DCDC2C: variants seen among roughly 807,000 people sequenced by gnomAD.
DCDC2C encodes the protein doublecortin domain containing 2C.
In DCDC2C, 44 loss-of-function variants were observed where a neutral mutation model predicts 45.0. The observed-to-expected ratio is 0.98, with a 90% CI of 0.77 to 1.26. The LOEUF is 1.26. Among genes scored for constraint, DCDC2C ranks in the 50% most tolerant of loss-of-function variants. DCDC2C has a pLI of 0.00. For missense variants in DCDC2C, 447 were observed against 468.9 expected (o/e 0.95, Z 0.43); for synonymous variants, 187 against 178.8 (o/e 1.05, Z -0.37).
chr2:3,769,103 C>T, intron 7 of DCDC2C: 1 of 526,282 alleles, frequency 1.9e-6, no homozygotes, highest in East Asian at 3.1e-5. Context: ...AAAATCGAGG[C>T]CACCACGCTG....
At chr2:3,708,379 C>T (rs1668122852) in intron 1 of DCDC2C, among the ~76,000 whole-genome samples, 170 bp from the exon 2 acceptor site, 1 of 152,052 alleles carries the variant, frequency 6.6e-6, no homozygotes. Flanking sequence ...AGCAGCATTG[C>T]TATTGTATTC....
intron 10 of DCDC2C, among the ~76,000 whole-genome samples, chr2:3,845,932 G>A (rs566728538): frequency 3.9e-5 from 6 of 152,280 alleles, no homozygotes; most frequent in Admixed American, 3.9e-4. Context: ...GAGAATGATA[G>A]TAGGATCATA....
At chr2:3,841,727 C>T (rs557496743) in intron 10 of DCDC2C, among the ~76,000 whole-genome samples, 8 of 151,654 alleles carry the variant, frequency 5.3e-5, no homozygotes, top group East Asian at 2.0e-4. Flanking sequence ...GCGGCGTGAG[C>T]GGCCGGGCAG....
At position 3,761,447 on chromosome 2, in the gene DCDC2C, C is replaced by T. The variant is rs567528572; in HGVS notation, c.727-6307C>T. On this transcript the variant is annotated intron_variant, in intron 6 of 10. Transcript: ENST00000399143. This position sits in a 1 kb window ranked among gnomAD's most constrained non-coding sequence, Gnocchi z 4.3. ...TGTGCATACCAGACTGAGACCCACA[C>T]TTTAATAACCTGTTCTGAACAGTAA... is the stretch of plus-strand genomic sequence containing the variant. 6.6e-6 allele frequency among the ~76,000 whole-genome samples: 1 copy of T among 152,278 alleles called. No homozygotes were observed. The highest frequency in any genetic ancestry group is 2.1e-4 in the South Asian group (1 of 4,824).
At chr2:3,706,058 CTT>C (rs1377796741) in intron 1 of DCDC2C, among the ~76,000 whole-genome samples, 1 of 152,158 alleles carries the variant, frequency 6.6e-6, no homozygotes, top group Non-Finnish European at 1.5e-5. Flanking sequence ...GGAATTCAGA[CTT>C]TGGTGAACAA....
At chr2:3,714,489 GT>G (rs34982312) in intron 2 of DCDC2C, among the ~76,000 whole-genome samples, 3 of 151,842 alleles carry the variant, frequency 2.0e-5, no homozygotes, top group African/African-American at 4.8e-5. Flanking sequence ...CCAATTCAAT[GT>G]TTTTTCCCCC....
chr2:3,712,371 T>C, intron 2 of DCDC2C, among the ~76,000 whole-genome samples: 1 of 151,010 alleles, frequency 6.6e-6, no homozygotes, highest in East Asian at 2.0e-4. Flanking sequence ...CCTAACGAAC[T>C]AAAAGACTTG....
intron 2 of DCDC2C, among the ~76,000 whole-genome samples, chr2:3,724,852 G>A (rs577099022): frequency 2.6e-5 from 4 of 152,282 alleles, no homozygotes; most frequent in South Asian, 2.1e-4. Flanking sequence ...CAGAGGTGAG[G>A]TTCAAGAGCT....
In DCDC2C at chr2:3,827,090, G is replaced by A. The variant is rs1050978923; in HGVS notation, c.1066-20064G>A. Among the ~76,000 whole-genome samples, 4 of 152,146 alleles carry A rather than the reference G, an allele frequency of 2.6e-5. No homozygotes were observed. The South Asian group carries it at 6.2e-4, about 24-fold the overall frequency. The stretch of plus-strand genomic sequence containing the variant: ...GTTGAGAGGAGCTCTGCTAGCTCAC[G>A]GGGAGGCAGACAAGCCACACCCCAG... On this transcript the variant is annotated intron_variant, in intron 10 of 10. Coordinates refer to ENST00000399143, the MANE Select transcript of DCDC2C (RefSeq NM_001287444.2).
intron 6 of DCDC2C, 89 bp from the exon 7 acceptor site, chr2:3,767,665 T>G: frequency 6.9e-7 from 1 of 1,450,460 alleles, no homozygotes; most frequent in East Asian, 2.6e-5. Flanking sequence ...GAGGAACTTG[T>G]GTCTTCCTGA....
At chr2:3,835,008 G>A (rs1236805322) in intron 10 of DCDC2C, among the ~76,000 whole-genome samples, 1 of 152,178 alleles carries the variant, frequency 6.6e-6, no homozygotes, top group African/African-American at 2.4e-5. Flanking sequence ...ACTTTCCCAT[G>A]GCCACATAAC....
chr2:3,827,313 A>G (rs139779866), intron 10 of DCDC2C, among the ~76,000 whole-genome samples: 2,566 of 144,284 alleles, frequency 0.018, 29 homozygotes, highest in Non-Finnish European at 0.03. Flanking sequence ...CAGCAGGGGC[A>G]GGGATGGGGG....
chr2:3,827,753 C>T (rs1671861291), intron 10 of DCDC2C, among the ~76,000 whole-genome samples: 1 of 152,048 alleles, frequency 6.6e-6, no homozygotes, highest in Admixed American at 6.6e-5. Context: ...AAAAGTGGTT[C>T]CCCTAGATAT....
At chr2:3,714,961 A>C (rs1668312363) in intron 2 of DCDC2C, among the ~76,000 whole-genome samples, 1 of 152,268 alleles carries the variant, frequency 6.6e-6, no homozygotes, top group Non-Finnish European at 1.5e-5. Flanking sequence ...TAGAAAAATG[A>C]GAAAATATAT....
chr2:3,714,642 C>A (rs1050762977), intron 2 of DCDC2C, among the ~76,000 whole-genome samples: 1 of 152,130 alleles, frequency 6.6e-6, no homozygotes, highest in Non-Finnish European at 1.5e-5. Context: ...ATCACTGAAG[C>A]CTACCAATGA....
At chr2:3,768,539 A>AT (rs1670073887) in intron 7 of DCDC2C, among the ~76,000 whole-genome samples, 1 of 152,038 alleles carries the variant, frequency 6.6e-6, no homozygotes, top group Admixed American at 6.6e-5. Context: ...TTTGGAAGTC[A>AT]TTTTTCCTAA....
intron 10 of DCDC2C, among the ~76,000 whole-genome samples, chr2:3,817,146 A>C (rs1239692071): frequency 6.6e-6 from 1 of 152,154 alleles, no homozygotes; most frequent in African/African-American, 2.4e-5. Flanking sequence ...AGAAGTTGGA[A>C]CACTAGCTGC....
At chr2:3,832,003 T>G (rs954875148) in intron 10 of DCDC2C, among the ~76,000 whole-genome samples, 1 of 152,208 alleles carries the variant, frequency 6.6e-6, no homozygotes, top group Non-Finnish European at 1.5e-5. Flanking sequence ...AATCAGTGTC[T>G]CCTGGCATGG....
chr2:3,797,741 G>T (rs1427775289), intron 10 of DCDC2C, among the ~76,000 whole-genome samples: 3 of 152,038 alleles, frequency 2.0e-5, no homozygotes, highest in East Asian at 3.9e-4. Flanking sequence ...GAGATAATTT[G>T]TTATAATTTC....
Sources: gnomAD v4.1 joint callset for allele counts (sites outside exome capture counted in the v4.1 genomes callset) on GRCh38, gnomAD v4.1.1 for gene constraint, Gnocchi (gnomAD v3.1) non-coding constraint, MANE v1.5 for transcripts, NCBI Gene and HGNC (gene_info 2026-07-23, HGNC 2026-07-21) for gene names.